The following KLF9 variants were observed in gnomAD, a reference collection of about 807,000 sequenced individuals.
KLF9 encodes Krueppel-like factor 9.
KLF9 carries 2 observed loss-of-function variants against 17.3 expected under a neutral mutation model. The observed-to-expected ratio is 0.12, with a 90% CI of 0.05 to 0.36. The LOEUF is 0.36. Ranked by LOEUF, KLF9 falls within the 10% of genes least tolerant of loss-of-function variation. The pLI is 1.00. For synonymous variants in KLF9, 138 were observed against 139.2 expected, an observed-to-expected ratio of 0.99 and a Z score of 0.06; for missense variants, 226 against 333.2, an observed-to-expected ratio of 0.68 and a Z score of 2.51.
At chr9:70,400,926 C>T (rs1451219205) in intron 1 of KLF9, among the ~76,000 whole-genome samples, 1 of 152,102 alleles carries the variant, frequency 6.6e-6, no homozygotes, top group Admixed American at 6.6e-5. Context: ...ACAAAACAGT[C>T]CCCACTCAAC....
chr9:70,391,819 A>G (rs1246964495), intron 1 of KLF9, among the ~76,000 whole-genome samples: 2 of 152,256 alleles, frequency 1.3e-5, no homozygotes, highest in Non-Finnish European at 2.9e-5. Flanking sequence ...ATATTTCATG[A>G]CAGGAGAAAG....
chr9:70,414,656 AGAATTC>A (rs1260556641), exon 1 of KLF9: 1 of 152,256 alleles, frequency 6.6e-6, no homozygotes, highest in Non-Finnish European at 1.5e-5. Flanking sequence ...CAAATGAGTA[AGAATTC>A]GTTTTGTTAT....
At position 70,409,223 on chromosome 9, in the gene KLF9, T is replaced by TAC. The variant is rs1491006153; in HGVS notation, c.505+3635_505+3636insGT. 5.4e-5 allele frequency among the ~76,000 whole-genome samples: 7 copies of TAC among 129,830 alleles called. 1 individual carries two copies. Among genetic ancestry groups the TAC allele is most frequent in the Admixed American group, 1.6e-4 (2 of 12,176 alleles). The allele number at this position is 129,830 out of a possible 152,430, so 85.2% of individuals were successfully genotyped here. On this transcript the variant is annotated intron_variant, in intron 1 of 1. Transcript: ENST00000377126. ...ATGTATATATATATACATATATGTA[T>TAC]ATATATATACTGAAAAATATTTTTT...
chr9:70,394,788 C>A (rs966726250), intron 1 of KLF9, among the ~76,000 whole-genome samples: 2 of 152,144 alleles, frequency 1.3e-5, no homozygotes, highest in African/African-American at 4.8e-5. Flanking sequence ...ATAAGCCTAA[C>A]AATAAAAGTT....
In KLF9 at chr9:70,385,612, A is replaced by C. The variant is rs1302194040; in HGVS notation, c.*2164T>G. 6.6e-6 allele frequency: 1 copy of C among 152,620 alleles called. No individual in the cohort carries two copies. The highest frequency in any genetic ancestry group is 1.5e-5 in the Non-Finnish European group (1 of 68,032). The allele number at this position is 152,620 out of a possible 1,614,324, so 9.5% of individuals were successfully genotyped here. On this transcript the variant is annotated 3_prime_UTR_variant, in exon 2 of 2. Coordinates refer to ENST00000377126, the MANE Select transcript of KLF9 (RefSeq NM_001206.4). Reference sequence around the variant, plus strand: ...ACTTTTTACAAGTTAGCAAGTTGCTAGGCAACCCCAAACTCCTCACTCACT... The same window carrying C: ...ACTTTTTACAAGTTAGCAAGTTGCTCGGCAACCCCAAACTCCTCACTCACT...
At position 70,413,666 on chromosome 9, in the gene KLF9, G is replaced by T; in HGVS notation, c.-303C>A. The T allele has an allele frequency of 6.2e-6, 1 of 160,540 alleles. No homozygotes were observed. The highest frequency in any genetic ancestry group is 1.8e-4 in the South Asian group (1 of 5,624). 9.9% of individuals were successfully genotyped at this position (160,540 alleles called of 1,614,324 possible). On this transcript the variant is annotated 5_prime_UTR_variant, in exon 1 of 2. Transcript: ENST00000377126. The surrounding 1 kb of genome is among the most constrained non-coding windows in gnomAD (Gnocchi z 5.6). ...GCCGCGATCCCCCGACGGGCGCGCC[G>T]GCCCCTCTGAGCCGGCTCCCTTGGA...
chr9:70,397,990 ACATCATTT>A (rs1175228293), intron 1 of KLF9, among the ~76,000 whole-genome samples: 1 of 152,248 alleles, frequency 6.6e-6, no homozygotes, highest in African/African-American at 2.4e-5. Flanking sequence ...TTTTCTGCAT[ACATCATTT>A]CAATGAACAC....
rs540743671 is a variant in KLF9, at chr9:70,410,446, C to T, written c.505+2413G>A. On this transcript the variant is annotated intron_variant, in intron 1 of 1. Coordinates refer to ENST00000377126, the MANE Select transcript of KLF9 (RefSeq NM_001206.4). The stretch of plus-strand genomic sequence containing the variant: ...CCAGCTTAGCTGGCCTCAACTGTGT[C>T]GTTCCTCCCAGCACACTACAGAAGT... Among the ~76,000 whole-genome samples, 11 of 152,348 alleles carry T rather than the reference C, an allele frequency of 7.2e-5. No individual in the cohort carries two copies. The South Asian group carries it at 2.1e-3, about 29-fold the overall frequency.
In KLF9 at chr9:70,414,381, C is replaced by G. The variant is rs1159464193; in HGVS notation, c.-1018G>C. The G allele has an allele frequency of 1.3e-5, 2 of 152,244 alleles. No individual in the cohort carries two copies. The highest frequency in any genetic ancestry group is 2.9e-5 in the Non-Finnish European group (2 of 68,048). The allele number at this position is 152,244 out of a possible 1,614,324, so 9.4% of individuals were successfully genotyped here. On this transcript the variant is annotated 5_prime_UTR_variant, in exon 1 of 2. Transcript: ENST00000377126. ...GTTAAGTGACTTCCTGCAAACGCTACAGTCCCAGCAACCAGCCTTCCAATC... is the reference window on the plus strand; with the variant it reads ...GTTAAGTGACTTCCTGCAAACGCTAGAGTCCCAGCAACCAGCCTTCCAATC...
chr9:70,399,219 A>G (rs982764738), intron 1 of KLF9, among the ~76,000 whole-genome samples: 1 of 152,210 alleles, frequency 6.6e-6, no homozygotes, highest in Admixed American at 6.5e-5. Context: ...CTAAACATAA[A>G]TTTTTAACAC....
chr9:70,410,909 T>C (rs1467865706), intron 1 of KLF9, among the ~76,000 whole-genome samples: 1 of 152,138 alleles, frequency 6.6e-6, no homozygotes, highest in African/African-American at 2.4e-5. Flanking sequence ...GCACTAAGAT[T>C]AGAGATCCCC....
Position 70,387,727 on chromosome 9 carries a change from C to T in KLF9, c.*49G>A. On this transcript the variant is annotated 3_prime_UTR_variant, in exon 2 of 2. Coordinates refer to ENST00000377126, the MANE Select transcript of KLF9 (RefSeq NM_001206.4). ...TTCACGCGTCTGTTTCCTGGGAGTACTTTTCTCCTTTCGGGGTCCATCCCT... is the reference window on the plus strand; with the variant it reads ...TTCACGCGTCTGTTTCCTGGGAGTATTTTTCTCCTTTCGGGGTCCATCCCT... 6.5e-7 allele frequency: 1 copy of T among 1,545,590 alleles called. No homozygotes were observed. Among genetic ancestry groups the T allele is most frequent in the Non-Finnish European group, 8.9e-7 (1 of 1,119,270 alleles).
chr9:70,398,950 C>G (rs1388103194), intron 1 of KLF9, among the ~76,000 whole-genome samples: 1 of 152,216 alleles, frequency 6.6e-6, no homozygotes, highest in East Asian at 1.9e-4. Flanking sequence ...CCTCCCACCT[C>G]AGCTTCCCAA....
At chr9:70,404,070 T>C (rs769094892) in intron 1 of KLF9, among the ~76,000 whole-genome samples, 2 of 152,138 alleles carry the variant, frequency 1.3e-5, no homozygotes, top group Admixed American at 6.5e-5. Context: ...TTGAACTACG[T>C]TAACTAACTC....
At chr9:70,403,704 T>C (rs897777015) in intron 1 of KLF9, among the ~76,000 whole-genome samples, 1 of 152,138 alleles carries the variant, frequency 6.6e-6, no homozygotes, top group African/African-American at 2.4e-5. Context: ...ATTAAGCCAG[T>C]CCCTGTTTGG....
chr9:70,412,528 TGGGGTGGCCCCACCGTCGC>T, intron 1 of KLF9, among the ~76,000 whole-genome samples: 1 of 149,712 alleles, frequency 6.7e-6, no homozygotes, highest in South Asian at 2.2e-4. Flanking sequence ...GTCTCCCAGG[TGGGGTGGCCCCACCGTCGC>T]GGGGTGCGGG....
Position 70,387,815 on chromosome 9 carries a change from C to A in KLF9, c.696G>T (p.Met232Ile). 6.2e-7 allele frequency: 1 copy of A among 1,614,072 alleles called. No homozygotes were observed. The highest frequency in any genetic ancestry group is 2.2e-5 in the East Asian group (1 of 44,852). ...ARRHTEFHPS[M>I]IKRSKKALAN... ...CCAGCGCCTTTTTCGATCGCTTGAT[C>A]ATGCTGGGGTGGAACTCGGTGTGCC... The change falls in exon 2 of 2, where the codon ATG (methionine) becomes ATT (isoleucine). Residue 232 changes from methionine (M) to isoleucine (I), a missense_variant. By Grantham distance (10) the Met-to-Ile change is conservative. Transcript: ENST00000377126.
Position 70,413,128 on chromosome 9 carries a change from G to T in KLF9, c.236C>A (p.Pro79His). The T allele has an allele frequency of 6.2e-7, 1 of 1,614,166 alleles. No individual in the cohort carries two copies. The highest frequency in any genetic ancestry group is 8.5e-7 in the Non-Finnish European group (1 of 1,180,038). ...TTCCAGACTGTCGCTGCACACGGAG[G>T]GGGTCTGGATGGGTCGGTACTTGTT... is the stretch of plus-strand genomic sequence containing the variant. Reference protein sequence around the residue: ...DLNKYRPIQTPSVCSDSLESP... With the variant: ...DLNKYRPIQTHSVCSDSLESP... Residue 79 changes from proline to histidine, a missense_variant, in exon 1 of 2, where the codon CCC (proline) becomes CAC (histidine). Coordinates refer to ENST00000377126, the MANE Select transcript of KLF9 (RefSeq NM_001206.4). This position sits in a 1 kb window ranked among gnomAD's most constrained non-coding sequence, Gnocchi z 5.6.
In KLF9 at chr9:70,409,150, G is replaced by A. The variant is rs71483582; in HGVS notation, c.505+3709C>T. On this transcript the variant is annotated intron_variant, in intron 1 of 1. Coordinates refer to ENST00000377126, the MANE Select transcript of KLF9 (RefSeq NM_001206.4). ...TATATGTATACATATATATGTATAT[G>A]TATATATATACACATATATGTATAT... Among the ~76,000 whole-genome samples the A allele has an allele frequency of 2.4e-4, 12 of 49,858 alleles. 2 individuals carry two copies. The highest frequency in any genetic ancestry group is 1.8e-3 in the East Asian group (4 of 2,282). The allele number at this position is 49,858 out of a possible 152,430, so 32.7% of individuals were successfully genotyped here.
Sources: gnomAD v4.1 joint callset for allele counts (sites outside exome capture counted in the v4.1 genomes callset) on GRCh38, gnomAD v4.1.1 for gene constraint, Gnocchi (gnomAD v3.1) non-coding constraint, MANE v1.5 for transcripts, NCBI Gene and HGNC (gene_info 2026-07-23, HGNC 2026-07-21) for gene names.